Variants in PDE5A observed in about 807,000 individuals in gnomAD.
The protein encoded by PDE5A is phosphodiesterase 5A.
In PDE5A, 67 loss-of-function variants were observed where a neutral mutation model predicts 110.2. The ratio of observed to expected loss-of-function variants is 0.61; its 90% CI spans 0.50 to 0.75. The LOEUF (loss-of-function observed/expected upper bound fraction) is 0.75. PDE5A is among the 30% of genes least tolerant of loss of function. The probability of loss-of-function intolerance (pLI) is 0.00; values close to 1 mark genes in which losing one functional copy is unlikely to be tolerated. For synonymous variants in PDE5A, 328 were observed against 351.2 expected (o/e 0.93, Z 0.74); for missense variants, 862 against 1,045.1 (o/e 0.82, Z 2.42).
intron 3 of PDE5A, among the ~76,000 whole-genome samples, chr4:119,594,453 G>A (rs1729085326): frequency 6.8e-6 from 1 of 146,690 alleles, no homozygotes; most frequent in Admixed American, 7.0e-5. Flanking sequence ...ATCTTAGTCT[G>A]TGGTTTATAA....
chr4:119,557,032 C>T (rs868019654), intron 7 of PDE5A, among the ~76,000 whole-genome samples: 1 of 96,132 alleles, frequency 1.0e-5, no homozygotes, highest in Non-Finnish European at 2.3e-5. Flanking sequence ...AGTAGCTGAC[C>T]AATGTCTCAA....
intron 12 of PDE5A, among the ~76,000 whole-genome samples, chr4:119,523,376 A>T (rs1726198852): frequency 6.8e-6 from 1 of 146,230 alleles, no homozygotes; most frequent in African/African-American, 2.5e-5. Context: ...AAGATCTTTC[A>T]ATATGAAATA....
chr4:119,623,922 T>C (rs1337966832), intron 1 of PDE5A, among the ~76,000 whole-genome samples: 2 of 152,202 alleles, frequency 1.3e-5, no homozygotes, highest in African/African-American at 4.8e-5. Context: ...AATCATGTAG[T>C]TTAGGCTCTA....
Position 119,627,088 on chromosome 4 carries a change from C to T in PDE5A, c.152+1432G>A, listed in dbSNP as rs1378268648. On this transcript the variant is annotated intron_variant, in intron 1 of 20. Coordinates refer to ENST00000354960, the MANE Select transcript of PDE5A (RefSeq NM_001083.4). This position sits in a 1 kb window ranked among gnomAD's most constrained non-coding sequence, Gnocchi z 4.6. ...CACCGGGGCGCCACCACCCAGCACC[C>T]GAGACCCGCCGCGCCCCCGGAAAAA... is the stretch of plus-strand genomic sequence containing the variant. The T allele has an allele frequency of 8.7e-6, 14 of 1,603,736 alleles. No homozygotes were observed. In the South Asian group the frequency reaches 1.2e-4, roughly 14 times the overall value.
intron 3 of PDE5A, among the ~76,000 whole-genome samples, chr4:119,594,553 G>A (rs1473262475): frequency 1.3e-5 from 2 of 152,086 alleles, no homozygotes; most frequent in African/African-American, 2.4e-5. Flanking sequence ...AATAATGCAT[G>A]GGACACATTT....
In PDE5A at chr4:119,525,851, C is replaced by T. The variant is rs1353677899; in HGVS notation, c.1633-156G>A. On this transcript the variant is annotated intron_variant, in intron 11 of 20. Coordinates refer to ENST00000354960, the MANE Select transcript of PDE5A (RefSeq NM_001083.4). This position sits in a 1 kb window ranked among gnomAD's most constrained non-coding sequence, Gnocchi z 4.3. ...AAACCTTTTTGTACAGTGGCAACTC[C>T]ACTCTCTGCATTTTTAAAACTGAGC... Among the ~76,000 whole-genome samples, 1 of 151,890 alleles carries T rather than the reference C, an allele frequency of 6.6e-6. No individual in the cohort carries two copies.
intron 17 of PDE5A, among the ~76,000 whole-genome samples, chr4:119,505,557 T>C (rs1303448278): frequency 1.3e-5 from 2 of 151,914 alleles, no homozygotes; most frequent in Admixed American, 6.6e-5. Context: ...AGCACTTCCA[T>C]TACAATGAAT....
chr4:119,508,256 G>A (rs1476869142), intron 15 of PDE5A, among the ~76,000 whole-genome samples: 1 of 151,978 alleles, frequency 6.6e-6, no homozygotes, highest in Non-Finnish European at 1.5e-5. Context: ...GTGAAAGAAA[G>A]CGTGGGTTGA....
chr4:119,529,373 A>G (rs1471806223), intron 11 of PDE5A, among the ~76,000 whole-genome samples: 1 of 152,088 alleles, frequency 6.6e-6, no homozygotes, highest in Non-Finnish European at 1.5e-5. Flanking sequence ...ACCTTTTTCT[A>G]GTGAGTCTTC....
At chr4:119,566,252 C>A (rs1727929764) in intron 4 of PDE5A, among the ~76,000 whole-genome samples, 1 of 152,094 alleles carries the variant, frequency 6.6e-6, no homozygotes, top group Admixed American at 6.6e-5. Context: ...GGGAGCAACA[C>A]AGGTGCCAAC....
At chr4:119,594,221 A>G (rs532401928) in intron 3 of PDE5A, among the ~76,000 whole-genome samples, 6 of 152,270 alleles carry the variant, frequency 3.9e-5, no homozygotes, top group African/African-American at 1.4e-4. Flanking sequence ...TTCTGTAGAA[A>G]GGGCCATCCT....
chr4:119,576,390 C>G (rs1159097068), intron 3 of PDE5A, among the ~76,000 whole-genome samples: 1 of 152,166 alleles, frequency 6.6e-6, no homozygotes, highest in Non-Finnish European at 1.5e-5. Flanking sequence ...ATACACTCTT[C>G]AGAGCACCAC....
chr4:119,556,684 G>A (rs759190962), intron 7 of PDE5A, among the ~76,000 whole-genome samples: 3 of 152,136 alleles, frequency 2.0e-5, no homozygotes, highest in African/African-American at 4.8e-5. Context: ...ATAGGGAAGA[G>A]GTAGCATTAG....
At chr4:119,557,891 T>C (rs1017058691) in intron 7 of PDE5A, among the ~76,000 whole-genome samples, 2 of 152,216 alleles carry the variant, frequency 1.3e-5, no homozygotes, top group Non-Finnish European at 2.9e-5. Flanking sequence ...ACTTATATTT[T>C]CTAATATGAT....
intron 9 of PDE5A, chr4:119,549,589 A>G (rs1285267803): frequency 6.6e-6 from 1 of 152,178 alleles, no homozygotes; most frequent in Non-Finnish European, 1.5e-5. Flanking sequence ...TAAATTTTCA[A>G]TGGGAATAGG....
chr4:119,622,881 A>AAG (rs397968933), intron 1 of PDE5A, among the ~76,000 whole-genome samples: 1 of 149,866 alleles, frequency 6.7e-6, no homozygotes, highest in Non-Finnish European at 1.5e-5. Flanking sequence ...AAAAAAAGAA[A>AAG]GAAAGAAAAA....
intron 5 of PDE5A, among the ~76,000 whole-genome samples, chr4:119,563,373 A>G (rs560903971): frequency 6.6e-6 from 1 of 152,308 alleles, no homozygotes; most frequent in South Asian, 2.1e-4. Flanking sequence ...AACTTTTCAG[A>G]TCAACATTTG....
intron 8 of PDE5A, among the ~76,000 whole-genome samples, chr4:119,553,048 T>A (rs933366265): frequency 6.6e-6 from 1 of 152,098 alleles, no homozygotes; most frequent in African/African-American, 2.4e-5. Flanking sequence ...ACTGTTGCTA[T>A]TGCTATATTG....
In PDE5A at chr4:119,628,782, C is replaced by T. The variant is rs1257625176; in HGVS notation, c.-111G>A. On this transcript the variant is annotated 5_prime_UTR_variant, in exon 1 of 21. Transcript: ENST00000354960. ...CTCGAGACCCTCCCCCTTCGTCCTG[C>T]TCCAGTCGGGCCGGCTTTCGACAAA... 3 of 1,472,606 alleles carry T rather than the reference C, an allele frequency of 2.0e-6. No individual in the cohort carries two copies. The highest frequency in any genetic ancestry group is 2.8e-6 in the Non-Finnish European group (3 of 1,087,220). The allele number at this position is 1,472,606 out of a possible 1,614,324, so 91.2% of individuals were successfully genotyped here.
Sources: allele counts gnomAD v4.1 joint callset (sites outside exome capture counted in the v4.1 genomes callset), GRCh38; gene constraint gnomAD v4.1.1; non-coding constraint Gnocchi (gnomAD v3.1); transcripts MANE v1.5; gene names NCBI Gene and HGNC (gene_info 2026-07-23, HGNC 2026-07-21).